The following DOCK1 variants were observed in gnomAD, a reference collection of about 807,000 sequenced individuals.
DOCK1 encodes dedicator of cytokinesis protein 1.
DOCK1 carries 138 observed loss-of-function variants against 262.7 expected under a neutral mutation model. That is an observed-to-expected ratio of 0.53 (90% CI 0.46 to 0.61). The LOEUF (loss-of-function observed/expected upper bound fraction) is 0.61. Among genes scored for constraint, DOCK1 ranks in the 20% least tolerant of loss-of-function variants. The probability of loss-of-function intolerance (pLI) is 0.00; values close to 1 mark genes in which losing one functional copy is unlikely to be tolerated. For missense variants in DOCK1, 1,908 were observed against 2,370.7 expected (o/e 0.80, Z 4.05); for synonymous variants, 866 against 867.4 (o/e 1.00, Z 0.03).
At position 127,037,553 on chromosome 10, in the gene DOCK1, G is replaced by A. The variant is rs185999826; in HGVS notation, c.1913-166G>A. Among the ~76,000 whole-genome samples, 510 of 152,348 alleles carry A rather than the reference G, an allele frequency of 3.3e-3. 4 individuals are homozygous for A. Among genetic ancestry groups the A allele is most frequent in the African/African-American group, 0.012 (490 of 41,576 alleles). ...TGAATTCAAGTGTACTAGGTGTTAA[G>A]TATGTTGCTACAAAGGAATGGAATA... On this transcript the variant is annotated intron_variant, in intron 18 of 51. Coordinates refer to ENST00000623213, the MANE Select transcript of DOCK1 (RefSeq NM_001290223.2).
intron 37 of DOCK1, among the ~76,000 whole-genome samples, chr10:127,383,866 G>A (rs151262360): frequency 3.9e-5 from 6 of 152,290 alleles, no homozygotes; most frequent in South Asian, 2.1e-4. Context: ...CCTCCTGCCC[G>A]TAGGTGCCCA....
chr10:127,260,947 T>A, intron 29 of DOCK1, among the ~76,000 whole-genome samples: 1 of 101,084 alleles, frequency 9.9e-6, no homozygotes, highest in Non-Finnish European at 1.9e-5. Context: ...GTACCCGTGC[T>A]CATCTGTGTG....
intron 27 of DOCK1, among the ~76,000 whole-genome samples, chr10:127,159,693 A>T (rs1325506672): frequency 6.6e-6 from 1 of 152,126 alleles, no homozygotes; most frequent in Non-Finnish European, 1.5e-5. Flanking sequence ...CCTTTTACGG[A>T]CCGTTGGCAA....
rs2043740854 is a variant in DOCK1 at position 127,037,797 on chromosome 10, A to G, written c.1991A>G (p.Asp664Gly). Reference sequence around the variant, plus strand: ...AACTTGAGGCAGCTGATGAAAGTCGATGGTGGTGAAGTAGTGAAGGTAACA... The same window carrying G: ...AACTTGAGGCAGCTGATGAAAGTCGGTGGTGGTGAAGTAGTGAAGGTAACA... ...QQNLRQLMKV[D>G]GGEVVKFLQD... Residue 664 changes from aspartate (D) to glycine (G), a missense_variant, in exon 19 of 52, where the codon GAT becomes GGT. Asp to Gly is a moderately conservative substitution (Grantham distance 94). Around this residue, in one of 9 missense-constraint regions of DOCK1, gnomAD observed 294 missense variants for 439.9 expected, o/e 0.67. Transcript: ENST00000623213. 2.6e-6 allele frequency: 4 copies of G among 1,564,862 alleles called. No homozygotes were observed. The highest frequency in any genetic ancestry group is 3.5e-6 in the Non-Finnish European group (4 of 1,152,644).
rs539732203 is a variant in DOCK1, at chr10:127,196,512, G to C, written c.2848-51496G>C. On this transcript the variant is annotated intron_variant, in intron 27 of 51. Transcript: ENST00000623213. ...CAGGTCCCAGCTACTCCGCGGAGCC[G>C]GGCGGCCAGAGGCGAGGGCGCCCCA... Among the ~76,000 whole-genome samples, 581 of 148,168 alleles carry C rather than the reference G, an allele frequency of 3.9e-3. 5 individuals carry two copies. The highest frequency in any genetic ancestry group is 0.013 in the African/African-American group (544 of 41,140).
chr10:126,930,762 C>T (rs1193440327), intron 1 of DOCK1, among the ~76,000 whole-genome samples: 11 of 152,202 alleles, frequency 7.2e-5, no homozygotes, highest in Non-Finnish European at 7.3e-5. Flanking sequence ...TGTGCTGCCC[C>T]GATTGCATTA....
At position 127,402,694 on chromosome 10, in the gene DOCK1, C is replaced by G. The variant is rs561536340; in HGVS notation, c.3928-361C>G. 1.9e-5 allele frequency: 10 copies of G among 527,656 alleles called. No homozygotes were observed. The African/African-American group carries it at 1.9e-4, about 10-fold the overall frequency. 32.7% of individuals were successfully genotyped at this position (527,656 alleles called of 1,614,324 possible). On this transcript the variant is annotated intron_variant, in intron 38 of 51. Transcript: ENST00000623213. ...ATGGCACCCCACAGCCTCTCTTCACCCTACGGTTCCTTTTCCCTGGCTCCA... is the reference window on the plus strand; with the variant it reads ...ATGGCACCCCACAGCCTCTCTTCACGCTACGGTTCCTTTTCCCTGGCTCCA...
chr10:126,926,781 C>T (rs894802364), intron 1 of DOCK1, among the ~76,000 whole-genome samples: 3 of 152,174 alleles, frequency 2.0e-5, no homozygotes, highest in African/African-American at 7.2e-5. Context: ...TCCAGCAGCC[C>T]GTAGGGCTCC....
chr10:127,259,660 C>T (rs953723667), intron 29 of DOCK1, among the ~76,000 whole-genome samples: 9 of 152,258 alleles, frequency 5.9e-5, no homozygotes, highest in East Asian at 3.9e-4. Flanking sequence ...CTGTGGATTC[C>T]GTGGCCCTGG....
At chr10:127,288,648 A>G (rs1458945216) in intron 29 of DOCK1, among the ~76,000 whole-genome samples, 3 of 151,762 alleles carry the variant, frequency 2.0e-5, no homozygotes, top group Admixed American at 2.0e-4. Context: ...TACACTGAAA[A>G]TTTGGGTCCC....
At chr10:127,133,724 C>G (rs902862648) in intron 27 of DOCK1, among the ~76,000 whole-genome samples, 1 of 152,176 alleles carries the variant, frequency 6.6e-6, no homozygotes, top group Non-Finnish European at 1.5e-5. Flanking sequence ...ACCAGACTGC[C>G]TTAAGTTAAT....
chr10:127,339,153 T>G, intron 30 of DOCK1, 69 bp downstream of exon 30: 1 of 1,312,948 alleles, frequency 7.6e-7, no homozygotes, highest in Admixed American at 2.0e-5. Flanking sequence ...TCCGAGCCAG[T>G]ATCTTACAGT....
chr10:127,255,339 A>T (rs2498932), intron 28 of DOCK1, among the ~76,000 whole-genome samples: 7 of 152,028 alleles, frequency 4.6e-5, no homozygotes, highest in Non-Finnish European at 8.8e-5. Flanking sequence ...GGTTGAAGCT[A>T]CAGTGAACTA....
intron 27 of DOCK1, among the ~76,000 whole-genome samples, chr10:127,229,497 G>A (rs538656961): frequency 6.6e-6 from 1 of 152,052 alleles, no homozygotes; most frequent in African/African-American, 2.4e-5. Flanking sequence ...TTGTCTTTCT[G>A]TGCCTTACTT....
chr10:127,053,471 C>A (rs1457060803), intron 22 of DOCK1, among the ~76,000 whole-genome samples: 3 of 152,238 alleles, frequency 2.0e-5, no homozygotes, highest in Non-Finnish European at 2.9e-5. Context: ...CGGGAGAACT[C>A]TTCCTACATA....
At chr10:127,374,027 G>C (rs757179322) in intron 34 of DOCK1, 31 bp from the exon 35 acceptor site, 1 of 1,579,924 alleles carries the variant, frequency 6.3e-7, no homozygotes, top group Non-Finnish European at 8.6e-7. Flanking sequence ...TTCTGAGTGT[G>C]ATTAACAAGG....
At chr10:127,190,337 T>TAAAA (rs2056629287) in intron 27 of DOCK1, among the ~76,000 whole-genome samples, 1 of 152,192 alleles carries the variant, frequency 6.6e-6, no homozygotes, top group Non-Finnish European at 1.5e-5. Flanking sequence ...TCTCACGGTG[T>TAAAA]TTCCTTTAAT....
At chr10:127,090,615 G>A (rs1053360907) in intron 23 of DOCK1, among the ~76,000 whole-genome samples, 2 of 152,002 alleles carry the variant, frequency 1.3e-5, no homozygotes, top group African/African-American at 4.8e-5. Flanking sequence ...GATCATTTCC[G>A]TCACCCCAGA....
chr10:126,924,868 G>A (rs1414954474), intron 1 of DOCK1, among the ~76,000 whole-genome samples: 1 of 152,206 alleles, frequency 6.6e-6, no homozygotes, highest in Admixed American at 6.5e-5. Context: ...GGATGAAAGT[G>A]TTTCTTAAGG....
Sources: allele counts gnomAD v4.1 joint callset (sites outside exome capture counted in the v4.1 genomes callset), GRCh38; gene constraint gnomAD v4.1.1; regional missense constraint gnomAD v4.1.1; transcripts MANE v1.5; gene names NCBI Gene and HGNC (gene_info 2026-07-23, HGNC 2026-07-21).